Variants in FAM184A observed in about 807,000 individuals in gnomAD.
The protein encoded by FAM184A is protein FAM184A.
FAM184A carries 99 observed loss-of-function variants against 143.8 expected under a neutral mutation model. That is an observed-to-expected ratio of 0.69 (90% confidence interval 0.58 to 0.81). The LOEUF is 0.81. Among genes scored for constraint, FAM184A ranks in the 40% least tolerant of loss-of-function variants. FAM184A has a pLI of 0.00. For synonymous variants in FAM184A, 427 were observed against 446.4 expected (o/e 0.96, Z 0.55); for missense variants, 1,217 against 1,310.5 (o/e 0.93, Z 1.10).
intron 1 of FAM184A, among the ~76,000 whole-genome samples, chr6:119,123,031 A>G (rs1789267578): frequency 7.2e-6 from 1 of 139,708 alleles, no homozygotes; most frequent in South Asian, 2.1e-4. Flanking sequence ...AGGACATGAA[A>G]ACCCTTACTG....
At chr6:119,095,951 T>C (rs1788496281) in intron 1 of FAM184A, among the ~76,000 whole-genome samples, 1 of 152,214 alleles carries the variant, frequency 6.6e-6, no homozygotes, top group South Asian at 2.1e-4. Flanking sequence ...AGATGTTGAC[T>C]CTTGTGGGTT....
At chr6:119,116,182 C>A (rs1789057754) in intron 1 of FAM184A, among the ~76,000 whole-genome samples, 1 of 151,940 alleles carries the variant, frequency 6.6e-6, no homozygotes, top group South Asian at 2.1e-4. Flanking sequence ...GAGGTGGGGG[C>A]AGAAGGGGAA....
intron 1 of FAM184A, among the ~76,000 whole-genome samples, chr6:119,117,737 A>G (rs751995791): frequency 2.0e-5 from 3 of 152,234 alleles, no homozygotes; most frequent in African/African-American, 4.8e-5. Context: ...TCTAGTTCAC[A>G]TGGTTAGAAA....
intron 1 of FAM184A, among the ~76,000 whole-genome samples, chr6:119,089,329 A>C (rs1033699380): frequency 1.3e-5 from 2 of 151,722 alleles, no homozygotes; most frequent in African/African-American, 2.4e-5. Context: ...ATAGCCTCCC[A>C]AGTAGCTGGG....
At chr6:119,080,442 A>C (rs149869742), upstream of FAM184A, among the ~76,000 whole-genome samples, 40 of 152,310 alleles carry the variant, frequency 2.6e-4, no homozygotes, top group African/African-American at 9.4e-4. Context: ...TTTCTTAAAT[A>C]CTATGCTCAA....
chr6:119,046,579 T>A (rs1786543694), intron 1 of FAM184A, among the ~76,000 whole-genome samples: 1 of 151,652 alleles, frequency 6.6e-6, no homozygotes, highest in African/African-American at 2.4e-5. Context: ...AAAAAAACTA[T>A]GCAAAAATAC....
intron 1 of FAM184A, among the ~76,000 whole-genome samples, chr6:119,087,285 C>A (rs1355350293): frequency 6.6e-6 from 1 of 152,086 alleles, no homozygotes; most frequent in Non-Finnish European, 1.5e-5. Context: ...AAGATACTAA[C>A]AAGAGAGTGA....
At chr6:119,001,027 G>A (rs982851752) in intron 9 of FAM184A, among the ~76,000 whole-genome samples, 3 of 150,504 alleles carry the variant, frequency 2.0e-5, no homozygotes, top group Non-Finnish European at 3.0e-5. Context: ...TCCATCCAAA[G>A]GAGTCGAGAC....
intron 1 of FAM184A, among the ~76,000 whole-genome samples, chr6:119,135,415 A>G (rs952367767): frequency 1.3e-5 from 2 of 152,214 alleles, no homozygotes; most frequent in Non-Finnish European, 2.9e-5. Context: ...GACCATTAAG[A>G]GCTTATTATT....
At chr6:119,092,994 T>G (rs1242596896) in intron 1 of FAM184A, among the ~76,000 whole-genome samples, 4 of 152,322 alleles carry the variant, frequency 2.6e-5, no homozygotes, top group South Asian at 4.1e-4. Flanking sequence ...TCTTGCATAT[T>G]ACATGAATTA....
In FAM184A at chr6:119,136,472, C is replaced by T. The variant is rs181414216; in HGVS notation, c.-202+12606G>A. 1.5e-3 allele frequency among the ~76,000 whole-genome samples: 230 copies of T among 152,108 alleles called. 1 individual carries two copies. The highest frequency in any genetic ancestry group is 5.3e-3 in the African/African-American group (221 of 41,494). ...TTATTGGCATTAAAAAAATTGGCAG[C>T]GCAGATTTGATAGACCCATGTGTCA... On this transcript the variant is annotated intron_variant, in intron 1 of 16. Transcript: ENST00000352896.
In FAM184A at chr6:119,090,295, C is replaced by T. The variant is rs143364666; in HGVS notation, c.-202+58783G>A. On this transcript the variant is annotated intron_variant, in intron 1 of 16. Coordinates refer to the FAM184A transcript ENST00000352896. Reference sequence around the variant, plus strand: ...CTCTAGCAAAGACGAAAGGCTAACACATTTATCTGCTGTCTCCTTTCACTC... The same window carrying T: ...CTCTAGCAAAGACGAAAGGCTAACATATTTATCTGCTGTCTCCTTTCACTC... Among the ~76,000 whole-genome samples the T allele has an allele frequency of 2.6e-4, 40 of 152,334 alleles. 1 individual carries two copies. In the East Asian group the frequency reaches 7.3e-3, roughly 28 times the overall value.
At chr6:119,080,597 G>A (rs1354559495), upstream of FAM184A, among the ~76,000 whole-genome samples, 1 of 151,970 alleles carries the variant, frequency 6.6e-6, no homozygotes, top group Non-Finnish European at 1.5e-5. Context: ...AAAATGCTTG[G>A]GACCCAAACT....
At chr6:119,102,458 A>C (rs1788662470) in intron 1 of FAM184A, among the ~76,000 whole-genome samples, 1 of 152,182 alleles carries the variant, frequency 6.6e-6, no homozygotes, top group Non-Finnish European at 1.5e-5. Flanking sequence ...TCAGGAAAGC[A>C]GAGAGCTATT....
intron 1 of FAM184A, among the ~76,000 whole-genome samples, chr6:119,101,525 A>C (rs2114835117): frequency 6.6e-6 from 1 of 152,236 alleles, no homozygotes; most frequent in Non-Finnish European, 1.5e-5. Flanking sequence ...TAATGTTCAA[A>C]CTTCACTCTT....
intron 1 of FAM184A, among the ~76,000 whole-genome samples, chr6:119,114,065 T>C (rs1788999834): frequency 1.3e-5 from 2 of 152,218 alleles, no homozygotes; most frequent in South Asian, 2.1e-4. Context: ...TAGGTATGTA[T>C]GTATAGGAAA....
chr6:119,049,610 C>G (rs1786669147), intron 1 of FAM184A, among the ~76,000 whole-genome samples: 1 of 152,146 alleles, frequency 6.6e-6, no homozygotes, highest in Admixed American at 6.5e-5. Flanking sequence ...ATAAATGGTG[C>G]TGGGATAACT....
intron 1 of FAM184A, among the ~76,000 whole-genome samples, chr6:119,118,695 T>C (rs1280226855): frequency 1.3e-5 from 2 of 152,198 alleles, no homozygotes; most frequent in Non-Finnish European, 2.9e-5. Flanking sequence ...CCTAATCCCA[T>C]CATTTTCGTA....
intron 1 of FAM184A, among the ~76,000 whole-genome samples, chr6:119,100,889 G>A (rs1214067440): frequency 6.6e-6 from 1 of 151,766 alleles, no homozygotes; most frequent in Non-Finnish European, 1.5e-5. Flanking sequence ...AACGCGGAAG[G>A]GGGCAGTTGC....
Sources: gnomAD v4.1 joint callset for allele counts (sites outside exome capture counted in the v4.1 genomes callset) on GRCh38, gnomAD v4.1.1 for gene constraint, MANE v1.5 for transcripts, NCBI Gene and HGNC (gene_info 2026-07-23, HGNC 2026-07-21) for gene names.